The following TAF12 variants were observed in gnomAD, a reference collection of about 807,000 sequenced individuals.
TAF12 encodes the protein TATA-box binding protein associated factor 12.
Under a neutral mutation model 20.8 loss-of-function variants are expected in TAF12, and 3 were observed. That is an observed-to-expected ratio of 0.14 (90% CI 0.07 to 0.37). The LOEUF is 0.37. TAF12 is among the 10% of genes least tolerant of loss of function. The pLI is 1.00. For missense variants in TAF12, 131 were observed against 197.9 expected (o/e 0.66, Z 2.03); for synonymous variants, 69 against 70.2 (o/e 0.98, Z 0.09).
intron 4 of TAF12, among the ~76,000 whole-genome samples, chr1:28,612,428 G>A (rs1396653375): frequency 6.7e-6 from 1 of 148,532 alleles, no homozygotes; most frequent in Non-Finnish European, 1.5e-5. Flanking sequence ...GGGTGACAGT[G>A]AGACTCGATC....
upstream of TAF12, among the ~76,000 whole-genome samples, chr1:28,646,821 C>A (rs1451518526): frequency 1.3e-5 from 2 of 152,000 alleles, no homozygotes; most frequent in Admixed American, 6.6e-5. Context: ...GCCTCAGCCT[C>A]CCGAGTAGCT....
intron 1 of TAF12, among the ~76,000 whole-genome samples, chr1:28,628,140 A>G (rs1325725133): frequency 6.7e-6 from 1 of 149,224 alleles, no homozygotes; most frequent in Non-Finnish European, 1.5e-5. Flanking sequence ...AGAAAGGAAA[A>G]CCTGAGCTCG....
chr1:28,622,287 A>C (rs1382065552), intron 1 of TAF12, 122 bp from the exon 2 acceptor site: 1 of 932,256 alleles, frequency 1.1e-6, no homozygotes, highest in Admixed American at 4.7e-5. Context: ...TGGGAGGCCC[A>C]GGTGGTAGCA....
In TAF12 at chr1:28,636,630, TA is replaced by T. The variant is rs879537502; in HGVS notation, c.-85+6361del. The stretch of plus-strand genomic sequence containing the variant: ...CATAGTGAGATCTGGTCACTACAAA[TA>T]AAAAAAAAAAAATCAAAAAATTTGC... On this transcript the variant is annotated intron_variant, in intron 1 of 5. Coordinates refer to ENST00000373824, the MANE Select transcript of TAF12 (RefSeq NM_005644.4). Among the ~76,000 whole-genome samples the T allele has an allele frequency of 5.9e-3, 810 of 138,160 alleles. 2 individuals carry two copies. Among genetic ancestry groups the T allele is most frequent in the Non-Finnish European group, 8.5e-3 (538 of 63,106 alleles). The allele number at this position is 138,160 out of a possible 152,430, so 90.6% of individuals were successfully genotyped here.
chr1:28,646,535 A>T (rs1306317648), upstream of TAF12: 3 of 151,972 alleles, frequency 2.0e-5, no homozygotes, highest in Admixed American at 2.0e-4. Context: ...TTTATTATTT[A>T]TTTATTTTTT....
chr1:28,624,834 T>G (rs1434396303), intron 1 of TAF12, among the ~76,000 whole-genome samples: 1 of 152,124 alleles, frequency 6.6e-6, no homozygotes, highest in Non-Finnish European at 1.5e-5. Context: ...CAACTAAGTA[T>G]GTACTGGTTA....
At chr1:28,626,008 T>A (rs1667371570) in intron 1 of TAF12, among the ~76,000 whole-genome samples, 1 of 149,592 alleles carries the variant, frequency 6.7e-6, no homozygotes, top group Non-Finnish European at 1.5e-5. Flanking sequence ...TGAGACGGAG[T>A]CTCACTGTGT....
At chr1:28,622,400 T>C (rs530565321) in intron 1 of TAF12, among the ~76,000 whole-genome samples, 30 of 151,150 alleles carry the variant, frequency 2.0e-4, no homozygotes, top group African/African-American at 7.3e-4. Flanking sequence ...ATGAGGTCTG[T>C]TAGACTTTGA....
At chr1:28,633,112 C>T (rs923549596) in intron 1 of TAF12, among the ~76,000 whole-genome samples, 4 of 151,402 alleles carry the variant, frequency 2.6e-5, no homozygotes, top group East Asian at 1.9e-4. Flanking sequence ...CCACCTGCCT[C>T]GGCCTCCCAA....
chr1:28,634,884 A>G lies in TAF12; in HGVS notation c.-85+8108T>C, dbSNP rs1444545070. On this transcript the variant is annotated intron_variant, in intron 1 of 5. Transcript: ENST00000373824. Reference sequence around the variant, plus strand: ...GTGGAGGTTGCAGTGAGCCGAGATCACGCCATTGCACTCCAGCCTGGGCAA... The same window carrying G: ...GTGGAGGTTGCAGTGAGCCGAGATCGCGCCATTGCACTCCAGCCTGGGCAA... Among the ~76,000 whole-genome samples the G allele has an allele frequency of 1.3e-3, 184 of 137,522 alleles. No homozygotes were observed. The Middle Eastern group carries it at 0.034, about 25-fold the overall frequency. The allele number at this position is 137,522 out of a possible 152,430, so 90.2% of individuals were successfully genotyped here.
intron 5 of TAF12, among the ~76,000 whole-genome samples, chr1:28,604,634 G>A (rs937654587): frequency 6.6e-6 from 1 of 152,144 alleles, no homozygotes; most frequent in Non-Finnish European, 1.5e-5. Context: ...GGCTTGCTTC[G>A]TGAGCTTTAC....
chr1:28,643,176 C>T (rs1668098892), upstream of TAF12: 1 of 916,868 alleles, frequency 1.1e-6, no homozygotes, highest in Admixed American at 6.2e-5. Context: ...CGCAGACTGC[C>T]CTCCGACACG....
At chr1:28,639,993 C>A (rs984068658) in intron 1 of TAF12, among the ~76,000 whole-genome samples, 1 of 152,174 alleles carries the variant, frequency 6.6e-6, no homozygotes, top group African/African-American at 2.4e-5. Context: ...CAGGCATGTG[C>A]CACCATGCCC....
chr1:28,609,415 G>A (rs753324309), intron 4 of TAF12, among the ~76,000 whole-genome samples: 3 of 151,776 alleles, frequency 2.0e-5, no homozygotes, highest in Non-Finnish European at 4.4e-5. Flanking sequence ...ATCATTTAGT[G>A]AATGAAATGT....
chr1:28,631,861 C>G (rs1174565854), intron 1 of TAF12, among the ~76,000 whole-genome samples: 2 of 152,098 alleles, frequency 1.3e-5, no homozygotes, highest in African/African-American at 4.8e-5. Context: ...TACAAAGGAA[C>G]TGAAACCCTC....
intron 3 of TAF12, among the ~76,000 whole-genome samples, chr1:28,616,159 G>A (rs926784384): frequency 2.0e-5 from 3 of 152,160 alleles, no homozygotes; most frequent in Middle Eastern, 3.2e-3. Flanking sequence ...CACTGTGGGA[G>A]GCTGAGGTGG....
chr1:28,617,542 G>C (rs1007209634), intron 3 of TAF12, among the ~76,000 whole-genome samples: 3 of 151,622 alleles, frequency 2.0e-5, no homozygotes, highest in Non-Finnish European at 4.4e-5. Flanking sequence ...CGCCTCCCAG[G>C]TTCACTTCAT....
At chr1:28,635,276 CTTTTTTTTT>C (rs1179724707) in intron 1 of TAF12, among the ~76,000 whole-genome samples, 1 of 100,636 alleles carries the variant, frequency 9.9e-6, no homozygotes, top group African/African-American at 3.6e-5. Context: ...ATCCTCCCTC[CTTTTTTTTT>C]TTTTTTTTTT....
chr1:28,619,669 A>AAAAAG (rs1667147597), intron 2 of TAF12, among the ~76,000 whole-genome samples: 1 of 134,012 alleles, frequency 7.5e-6, no homozygotes, highest in African/African-American at 2.7e-5. Flanking sequence ...AAAAAAAAAA[A>AAAAAG]GCCGGGTACG....
Sources: allele counts gnomAD v4.1 joint callset (sites outside exome capture counted in the v4.1 genomes callset), GRCh38; gene constraint gnomAD v4.1.1; transcripts MANE v1.5; gene names NCBI Gene and HGNC (gene_info 2026-07-23, HGNC 2026-07-21).